Variants in KLHL29 observed in about 807,000 individuals in gnomAD.
KLHL29 encodes the protein kelch-like protein 29.
KLHL29 carries 21 observed loss-of-function variants against 80.4 expected under a neutral mutation model. That is an observed-to-expected ratio of 0.26 (90% CI 0.19 to 0.38). The LOEUF is 0.38. Among genes scored for constraint, KLHL29 ranks in the 10% least tolerant of loss-of-function variants. The pLI is 1.00. For missense variants in KLHL29, 867 were observed against 1,223.9 expected, an observed-to-expected ratio of 0.71 and a Z score of 4.35; for synonymous variants, 511 against 526.8, an observed-to-expected ratio of 0.97 and a Z score of 0.41.
intron 2 of KLHL29, among the ~76,000 whole-genome samples, chr2:23,520,989 A>G (rs1259908177): frequency 1.4e-5 from 1 of 69,050 alleles, no homozygotes; most frequent in African/African-American, 5.4e-5. Flanking sequence ...TTTTACAAAG[A>G]CCACCCCCCC....
At chr2:23,554,893 C>G (rs1270234852) in intron 2 of KLHL29, among the ~76,000 whole-genome samples, 1 of 152,148 alleles carries the variant, frequency 6.6e-6, no homozygotes, top group Non-Finnish European at 1.5e-5. Flanking sequence ...TCCGACACCG[C>G]CCCCCAACAC....
intron 5 of KLHL29, among the ~76,000 whole-genome samples, chr2:23,646,987 G>A (rs955613974): frequency 1.2e-4 from 18 of 152,228 alleles, no homozygotes; most frequent in African/African-American, 4.3e-4. Context: ...CTGGTCCAGG[G>A]TCTAGAGAGT....
intron 2 of KLHL29, among the ~76,000 whole-genome samples, chr2:23,489,536 C>G (rs1252701266): frequency 6.6e-6 from 1 of 152,116 alleles, no homozygotes; most frequent in African/African-American, 2.4e-5. Context: ...CCTTGCGTAC[C>G]TCCTGCCACG....
intron 1 of KLHL29, among the ~76,000 whole-genome samples, chr2:23,427,307 T>C (rs114046658): frequency 0.011 from 1,688 of 152,292 alleles, 8 homozygotes; most frequent in Non-Finnish European, 0.018. Flanking sequence ...CCACAGGAAA[T>C]GAATGAATCT....
intron 1 of KLHL29, among the ~76,000 whole-genome samples, chr2:23,446,181 G>A (rs1663670386): frequency 6.7e-6 from 1 of 148,578 alleles, no homozygotes; most frequent in African/African-American, 2.5e-5. Context: ...TCATTATTTA[G>A]TTAGCTGTCT....
chr2:23,487,892 G>C (rs940684448), intron 2 of KLHL29, among the ~76,000 whole-genome samples: 8 of 152,194 alleles, frequency 5.3e-5, no homozygotes, highest in African/African-American at 1.9e-4. Context: ...ACAAACCTCT[G>C]CAGCTGGGCC....
rs1331340587 is a variant in KLHL29, at chr2:23,457,042, C to T, written c.-153-18518C>T. ...GTGTCAGGGCCGGAGCAGCAGAGGTCGAGGCCTTCCGAGGCCCCTCCCCAG... is the reference window on the plus strand; with the variant it reads ...GTGTCAGGGCCGGAGCAGCAGAGGTTGAGGCCTTCCGAGGCCCCTCCCCAG... On this transcript the variant is annotated intron_variant, in intron 1 of 13. Transcript: ENST00000486442. This position sits in a 1 kb window ranked among gnomAD's most constrained non-coding sequence, Gnocchi z 4.3. Among the ~76,000 whole-genome samples the T allele has an allele frequency of 1.3e-5, 2 of 152,186 alleles. No individual in the cohort carries two copies. The highest frequency in any genetic ancestry group is 4.8e-5 in the African/African-American group (2 of 41,446).
chr2:23,632,944 A>G (rs575632762), intron 3 of KLHL29, among the ~76,000 whole-genome samples: 1 of 151,928 alleles, frequency 6.6e-6, no homozygotes, highest in South Asian at 2.1e-4. Flanking sequence ...GGAAGCTGGT[A>G]GAGAAAGTTT....
intron 1 of KLHL29, among the ~76,000 whole-genome samples, chr2:23,443,210 T>C (rs1241592318): frequency 1.3e-5 from 2 of 152,228 alleles, no homozygotes; most frequent in African/African-American, 4.8e-5. Context: ...TATCTATGTA[T>C]ATTTTTTGCT....
intron 3 of KLHL29, among the ~76,000 whole-genome samples, chr2:23,582,487 T>C (rs982007743): frequency 6.6e-6 from 1 of 152,138 alleles, no homozygotes; most frequent in African/African-American, 2.4e-5. Flanking sequence ...GGTCCTGGTG[T>C]CAGGGGTCCC....
intron 2 of KLHL29, among the ~76,000 whole-genome samples, chr2:23,517,414 G>A (rs1038269193): frequency 1.3e-5 from 2 of 152,134 alleles, no homozygotes; most frequent in African/African-American, 2.4e-5. Context: ...CTGGTGGCAC[G>A]CACCTGTAGT....
At chr2:23,399,339 C>T (rs953451454) in intron 1 of KLHL29, among the ~76,000 whole-genome samples, 10 of 152,156 alleles carry the variant, frequency 6.6e-5, no homozygotes, top group African/African-American at 2.4e-4. Flanking sequence ...TGTGCATGCA[C>T]TTAATGCCAC....
At chr2:23,575,839 G>T (rs566005791) in intron 3 of KLHL29, among the ~76,000 whole-genome samples, 1 of 152,128 alleles carries the variant, frequency 6.6e-6, no homozygotes, top group Non-Finnish European at 1.5e-5. Context: ...CACTCCACCC[G>T]GCGCAGGAAC....
intron 1 of KLHL29, among the ~76,000 whole-genome samples, chr2:23,438,680 A>C (rs1043637608): frequency 6.7e-6 from 1 of 149,618 alleles, no homozygotes; most frequent in Non-Finnish European, 1.5e-5. Flanking sequence ...CGTGGTGGAT[A>C]AGCTTTTTGA....
chr2:23,658,970 C>T (rs757354510), intron 5 of KLHL29, among the ~76,000 whole-genome samples: 11 of 152,190 alleles, frequency 7.2e-5, no homozygotes, highest in Non-Finnish European at 1.0e-4. Flanking sequence ...CTCACCCCAG[C>T]GCAGCACAGC....
intron 3 of KLHL29, among the ~76,000 whole-genome samples, chr2:23,571,400 T>A (rs112808133): frequency 3.7e-4 from 56 of 152,198 alleles, no homozygotes; most frequent in African/African-American, 1.2e-3. Flanking sequence ...CCAACGTTCA[T>A]TTTCTCTCCT....
chr2:23,610,974 GC>G (rs1668844006), intron 3 of KLHL29, among the ~76,000 whole-genome samples: 1 of 152,112 alleles, frequency 6.6e-6, no homozygotes, highest in Admixed American at 6.5e-5. Flanking sequence ...CCCACATGGA[GC>G]TTACCTTCAA....
chr2:23,426,210 C>G (rs1663001002), intron 1 of KLHL29, among the ~76,000 whole-genome samples: 1 of 152,188 alleles, frequency 6.6e-6, no homozygotes, highest in Admixed American at 6.5e-5. Context: ...AACCATTCTA[C>G]TGTACTCAGG....
chr2:23,502,571 G>A (rs531777945), intron 2 of KLHL29, among the ~76,000 whole-genome samples: 2 of 152,210 alleles, frequency 1.3e-5, no homozygotes, highest in South Asian at 2.1e-4. Flanking sequence ...CCTCTGACCC[G>A]CATGAAATAA....
Sources: allele counts gnomAD v4.1 joint callset (sites outside exome capture counted in the v4.1 genomes callset), GRCh38; gene constraint gnomAD v4.1.1; non-coding constraint Gnocchi (gnomAD v3.1); transcripts MANE v1.5; gene names NCBI Gene and HGNC (gene_info 2026-07-23, HGNC 2026-07-21).